Variants in PHF24 observed in about 807,000 individuals in gnomAD.
PHF24 encodes PHD finger protein 24.
In PHF24, 25 loss-of-function variants were observed where a neutral mutation model predicts 42.6. The ratio of observed to expected loss-of-function variants is 0.59; its 90% CI spans 0.43 to 0.82. The LOEUF is 0.82. Ranked by LOEUF, PHF24 falls within the 40% of genes least tolerant of loss-of-function variation. The pLI is 0.00. For missense variants in PHF24, 470 were observed against 538.1 expected, an observed-to-expected ratio of 0.87 and a Z score of 1.25; for synonymous variants, 185 against 204.8, an observed-to-expected ratio of 0.90 and a Z score of 0.83.
chr9:34,675,464 A>G, the PHF24 span, among the ~76,000 whole-genome samples: 1 of 152,102 alleles, frequency 6.6e-6, no homozygotes, highest in African/African-American at 2.4e-5. Context: ...TTCACTTCCT[A>G]TCCTTTTGCA....
the PHF24 span, among the ~76,000 whole-genome samples, chr9:34,811,638 AT>A: frequency 1.3e-5 from 2 of 152,222 alleles, no homozygotes; most frequent in Non-Finnish European, 2.9e-5. Flanking sequence ...CAAGGCTAAA[AT>A]GACAAGGCTA....
At chr9:34,937,044 C>CCG in the PHF24 span, among the ~76,000 whole-genome samples, 1 of 145,636 alleles carries the variant, frequency 6.9e-6, no homozygotes, top group African/African-American at 2.6e-5. Flanking sequence ...GCCCCCCCCC[C>CCG]GGGCCAGCCG....
chr9:34,875,940 ACACACACACACTCTCTCT>A, the PHF24 span, among the ~76,000 whole-genome samples: 12 of 89,340 alleles, frequency 1.3e-4, no homozygotes, highest in African/African-American at 5.1e-4. Context: ...ACACACACAC[ACACACACACACTCTCTCT>A]CTCTCTCTCT....
At chr9:34,966,951 A>T (rs1826795430) in intron 1 of PHF24, among the ~76,000 whole-genome samples, 1 of 152,248 alleles carries the variant, frequency 6.6e-6, no homozygotes, top group South Asian at 2.1e-4. Flanking sequence ...TATGTTGGCC[A>T]GGCTGGTTTT....
the PHF24 span, among the ~76,000 whole-genome samples, chr9:34,828,538 C>G: frequency 4.6e-5 from 7 of 152,208 alleles, no homozygotes; most frequent in Non-Finnish European, 8.8e-5. Flanking sequence ...ATTATACTTG[C>G]TATCACCAAT....
chr9:34,853,393 C>T, the PHF24 span, among the ~76,000 whole-genome samples: 8 of 152,134 alleles, frequency 5.3e-5, no homozygotes, highest in East Asian at 1.9e-4. Flanking sequence ...TTTGCGTTGA[C>T]GTTCATTGGG....
the PHF24 span, chr9:34,726,372 C>T: frequency 6.5e-7 from 1 of 1,547,856 alleles, no homozygotes; most frequent in African/African-American, 1.4e-5. Context: ...CTCAGCACTT[C>T]AGGACTGAGA....
At chr9:34,888,428 C>T in the PHF24 span, among the ~76,000 whole-genome samples, 1 of 152,226 alleles carries the variant, frequency 6.6e-6, no homozygotes, top group South Asian at 2.1e-4. Context: ...TTTATTGTGA[C>T]CCTTTTAGGG....
chr9:34,974,797 C>A (rs1827127987), intron 3 of PHF24, among the ~76,000 whole-genome samples: 1 of 152,090 alleles, frequency 6.6e-6, no homozygotes, highest in African/African-American at 2.4e-5. Context: ...CATCATGCCC[C>A]AAAATGAACT....
At chr9:34,697,569 C>T in the PHF24 span, among the ~76,000 whole-genome samples, 1 of 152,220 alleles carries the variant, frequency 6.6e-6, no homozygotes, top group African/African-American at 2.4e-5. Context: ...ATCCACCTGC[C>T]TCGGCCTCCC....
the PHF24 span, among the ~76,000 whole-genome samples, chr9:34,927,290 G>C: frequency 6.6e-6 from 1 of 152,300 alleles, no homozygotes; most frequent in Admixed American, 6.5e-5. Flanking sequence ...TCAGCCAACC[G>C]TGTGGTGTGG....
chr9:34,902,092 A>G, the PHF24 span, among the ~76,000 whole-genome samples: 394 of 152,340 alleles, frequency 2.6e-3, no homozygotes, highest in African/African-American at 8.7e-3. Context: ...AAAACTCAGA[A>G]GACAGAGTCA....
chr9:34,826,581 C>T, the PHF24 span, among the ~76,000 whole-genome samples: 1 of 152,232 alleles, frequency 6.6e-6, no homozygotes, highest in South Asian at 2.1e-4. Context: ...AGTCACAGTC[C>T]CTGCCCTCAA....
At chr9:34,750,783 GA>G in the PHF24 span, among the ~76,000 whole-genome samples, 1 of 151,508 alleles carries the variant, frequency 6.6e-6, no homozygotes, top group African/African-American at 2.4e-5. Context: ...AGAAAGAAGG[GA>G]AAAAAGGAAG....
At chr9:34,868,252 G>A in the PHF24 span, among the ~76,000 whole-genome samples, 3 of 152,230 alleles carry the variant, frequency 2.0e-5, no homozygotes, top group South Asian at 6.2e-4. Flanking sequence ...GGCCCAATTT[G>A]AGAAAAAGAA....
chr9:34,956,927 C>A (rs1178477681), upstream of PHF24, among the ~76,000 whole-genome samples: 3 of 152,170 alleles, frequency 2.0e-5, no homozygotes, highest in East Asian at 5.8e-4. Flanking sequence ...TAGGAGCTTG[C>A]GGTATGAAAT....
At chr9:34,674,609 T>C in the PHF24 span, among the ~76,000 whole-genome samples, 2 of 152,380 alleles carry the variant, frequency 1.3e-5, no homozygotes, top group Middle Eastern at 3.4e-3. Flanking sequence ...ATTTGGCCCA[T>C]GGGCCATAGT....
the PHF24 span, among the ~76,000 whole-genome samples, chr9:34,929,031 G>A: frequency 2.6e-5 from 4 of 152,112 alleles, no homozygotes; most frequent in African/African-American, 9.7e-5. Flanking sequence ...CACAGATGCT[G>A]TGCTATAGCC....
the PHF24 span, among the ~76,000 whole-genome samples, chr9:34,850,345 A>G: frequency 6.6e-6 from 1 of 151,768 alleles, no homozygotes; most frequent in Non-Finnish European, 1.5e-5. Context: ...GCTTCATTTC[A>G]TTCATTTCAT....
Sources: allele counts gnomAD v4.1 joint callset (sites outside exome capture counted in the v4.1 genomes callset), GRCh38; gene constraint gnomAD v4.1.1; transcripts MANE v1.5; gene names NCBI Gene and HGNC (gene_info 2026-07-23, HGNC 2026-07-21).